STPG2: variants seen among roughly 807,000 people sequenced by gnomAD.
STPG2 encodes sperm tail PG-rich repeat containing 2, also known as sperm-tail PG-rich repeat-containing protein 2.
In STPG2, 56 loss-of-function variants were observed where a neutral mutation model predicts 54.2. The ratio of observed to expected loss-of-function variants is 1.03; its 90% CI spans 0.83 to 1.29. The LOEUF is 1.29. Among genes scored for constraint, STPG2 ranks in the 50% most tolerant of loss-of-function variants. STPG2 has a pLI of 0.00. For missense variants in STPG2, 596 were observed against 544.9 expected (o/e 1.09, Z -0.93); for synonymous variants, 200 against 181.8 (o/e 1.10, Z -0.81).
chr4:97,722,900 C>T (rs1283323315), intron 9 of STPG2, among the ~76,000 whole-genome samples: 1 of 150,728 alleles, frequency 6.6e-6, no homozygotes, highest in Non-Finnish European at 1.5e-5. Context: ...CGGGTTCACG[C>T]CATTCTCCTG....
At chr4:97,809,010 TTC>T (rs1382646952) in intron 9 of STPG2, among the ~76,000 whole-genome samples, 2 of 152,094 alleles carry the variant, frequency 1.3e-5, no homozygotes, top group African/African-American at 4.8e-5. Flanking sequence ...TTCAAAATAC[TTC>T]TCTCAGTAAC....
intron 10 of STPG2, among the ~76,000 whole-genome samples, chr4:97,611,766 C>A (rs151266291): frequency 0.015 from 2,265 of 150,860 alleles, 52 homozygotes; most frequent in African/African-American, 0.052. Context: ...TATTTATTAC[C>A]AAAAAGAAAA....
intron 8 of STPG2, among the ~76,000 whole-genome samples, chr4:97,857,410 C>A (rs1475514037): frequency 2.0e-5 from 3 of 151,990 alleles, no homozygotes; most frequent in Non-Finnish European, 4.4e-5. Flanking sequence ...TTCCAGGAAT[C>A]TAATTATTTC....
At chr4:97,960,480 T>G (rs1225484273) in intron 7 of STPG2, among the ~76,000 whole-genome samples, 6 of 152,180 alleles carry the variant, frequency 3.9e-5, no homozygotes, top group Admixed American at 1.3e-4. Flanking sequence ...CTCCTAGAAC[T>G]GGTAAAAGAA....
intron 7 of STPG2, among the ~76,000 whole-genome samples, chr4:97,957,044 AAGTC>A (rs1374623241): frequency 6.6e-5 from 10 of 152,112 alleles, no homozygotes; most frequent in Admixed American, 6.5e-5. Flanking sequence ...GCGTCAGAGA[AAGTC>A]AGAGCCCAAT....
chr4:97,821,189 A>G (rs260889), intron 9 of STPG2, among the ~76,000 whole-genome samples: 88,642 of 151,962 alleles, frequency 0.58, 26,420 homozygotes, highest in East Asian at 0.74. Context: ...GTTCCAAAAG[A>G]GAGAAACTGG....
At position 97,773,994 on chromosome 4, in the gene STPG2, G is replaced by GGGGT. The variant is rs71588915; in HGVS notation, c.1205-61181_1205-61180insACCC. On this transcript the variant is annotated intron_variant, in intron 9 of 10. Coordinates refer to ENST00000295268, the MANE Select transcript of STPG2 (RefSeq NM_174952.3). ...GCAAGACTCTGCCTCTAAAATATAG[G>GGGGT]GTGTGTGTGTGTGTGTGTGTGTGTG... 2.8e-3 allele frequency among the ~76,000 whole-genome samples: 414 copies of GGGGT among 147,350 alleles called. 3 individuals carry two copies. Among genetic ancestry groups the GGGGT allele is most frequent in the African/African-American group, 8.2e-3 (328 of 39,840 alleles).
At chr4:97,482,783 A>T (rs112636154) in intron 4 of STPG2, among the ~76,000 whole-genome samples, 2,325 of 151,734 alleles carry the variant, frequency 0.015, 56 homozygotes, top group African/African-American at 0.054. Context: ...AAGATAAAGG[A>T]AAGTACCTTA....
intron 9 of STPG2, among the ~76,000 whole-genome samples, chr4:97,757,478 A>C (rs529764809): frequency 1.3e-5 from 2 of 152,334 alleles, no homozygotes; most frequent in South Asian, 4.1e-4. Flanking sequence ...GGTCACAAGA[A>C]AGTATAAACA....
intron 10 of STPG2, among the ~76,000 whole-genome samples, chr4:97,609,114 A>G (rs1258217704): frequency 6.6e-6 from 1 of 152,140 alleles, no homozygotes; most frequent in Non-Finnish European, 1.5e-5. Flanking sequence ...ATTTCAAAAC[A>G]AAGTTTTAAT....
At chr4:97,943,297 C>G (rs1733062065) in intron 8 of STPG2, among the ~76,000 whole-genome samples, 1 of 152,136 alleles carries the variant, frequency 6.6e-6, no homozygotes, top group Non-Finnish European at 1.5e-5. Flanking sequence ...CATTTAGACT[C>G]TAGCAACATT....
At chr4:97,749,587 T>C (rs924445385) in intron 9 of STPG2, among the ~76,000 whole-genome samples, 3 of 151,726 alleles carry the variant, frequency 2.0e-5, no homozygotes, top group African/African-American at 7.2e-5. Flanking sequence ...ATTTGAGTGA[T>C]TTATTTTAGA....
intron 4 of STPG2, among the ~76,000 whole-genome samples, chr4:97,469,422 C>G (rs1040362587): frequency 1.1e-4 from 17 of 152,002 alleles, no homozygotes; most frequent in African/African-American, 4.1e-4. Context: ...ATAGGCTTGA[C>G]AGAAACATTG....
intron 10 of STPG2, among the ~76,000 whole-genome samples, chr4:97,665,056 C>T (rs1722482711): frequency 6.6e-6 from 1 of 152,070 alleles, no homozygotes; most frequent in Non-Finnish European, 1.5e-5. Flanking sequence ...CCACAGCTGG[C>T]ATCAGAGAAT....
At chr4:97,920,365 C>A (rs1732052459) in intron 8 of STPG2, among the ~76,000 whole-genome samples, 1 of 152,132 alleles carries the variant, frequency 6.6e-6, no homozygotes, top group Admixed American at 6.5e-5. Flanking sequence ...AGGAATGTTT[C>A]CACACTCTGA....
chr4:97,755,366 G>C (rs984820846), intron 9 of STPG2, among the ~76,000 whole-genome samples: 1 of 152,130 alleles, frequency 6.6e-6, no homozygotes, highest in Non-Finnish European at 1.5e-5. Context: ...CTGGTTCAAA[G>C]AGGGAAAACT....
intron 8 of STPG2, among the ~76,000 whole-genome samples, chr4:97,901,370 C>T (rs1178585210): frequency 2.0e-5 from 3 of 151,802 alleles, no homozygotes; most frequent in Non-Finnish European, 4.4e-5. Context: ...AAAAGGCATC[C>T]AACTCAGAAA....
intron 4 of STPG2, among the ~76,000 whole-genome samples, chr4:97,551,654 T>G (rs545444145): frequency 1.3e-5 from 2 of 152,374 alleles, no homozygotes; most frequent in East Asian, 3.9e-4. Flanking sequence ...TAAATTCTAG[T>G]CTCCGCTTTC....
intron 10 of STPG2, among the ~76,000 whole-genome samples, chr4:97,589,237 C>T (rs1315436931): frequency 6.6e-6 from 1 of 150,830 alleles, no homozygotes; most frequent in East Asian, 1.9e-4. Flanking sequence ...AATAAAATCA[C>T]CAAAAAAAAA....
Sources: allele counts gnomAD v4.1 joint callset (sites outside exome capture counted in the v4.1 genomes callset), GRCh38; gene constraint gnomAD v4.1.1; transcripts MANE v1.5; gene names NCBI Gene and HGNC (gene_info 2026-07-23, HGNC 2026-07-21).